The following ARL6IP6 variants were observed in gnomAD, a reference collection of about 807,000 sequenced individuals.
The protein encoded by ARL6IP6 is ADP-ribosylation factor-like protein 6-interacting protein 6.
ARL6IP6 carries 22 observed loss-of-function variants against 21.5 expected under a neutral mutation model. That is an observed-to-expected ratio of 1.02 (90% CI 0.73 to 1.46). The LOEUF (loss-of-function observed/expected upper bound fraction) is 1.46, where lower values mean the gene tolerates loss of function less well. Among genes scored for constraint, ARL6IP6 ranks in the 40% most tolerant of loss-of-function variants. The probability of loss-of-function intolerance (pLI) is 0.00; values close to 1 mark genes in which losing one functional copy is unlikely to be tolerated. For missense variants in ARL6IP6, 388 were observed against 299.8 expected (o/e 1.29, Z -2.17); for synonymous variants, 164 against 125.3 (o/e 1.31, Z -2.06).
chr2:152,757,656 G>A (rs1701650642), intron 3 of ARL6IP6, among the ~76,000 whole-genome samples: 4 of 152,160 alleles, frequency 2.6e-5, no homozygotes, highest in African/African-American at 2.4e-5. Flanking sequence ...GAAAATCATG[G>A]TGAATATTTT....
chr2:152,749,610 G>A lies in ARL6IP6; in HGVS notation c.588-10137G>A, dbSNP rs144577842. Reference sequence around the variant, plus strand: ...TATTCACAACAGCTTTGTAAGGGTAGATTCTATTTTTGTTTCCATTGTATG... The same window carrying A: ...TATTCACAACAGCTTTGTAAGGGTAAATTCTATTTTTGTTTCCATTGTATG... On this transcript the variant is annotated intron_variant, in intron 3 of 3. Coordinates refer to ENST00000326446, the MANE Select transcript of ARL6IP6 (RefSeq NM_152522.7). Among the ~76,000 whole-genome samples, 3 of 152,244 alleles carry A rather than the reference G, an allele frequency of 2.0e-5. No homozygotes were observed. The East Asian group carries it at 5.8e-4, about 29-fold the overall frequency.
intron 2 of ARL6IP6, among the ~76,000 whole-genome samples, chr2:152,727,889 G>T (rs1700117886): frequency 6.6e-6 from 1 of 152,126 alleles, no homozygotes; most frequent in South Asian, 2.1e-4. Context: ...GTGTATGATT[G>T]TATTGTATTT....
rs1701751960 is a variant in ARL6IP6 at position 152,759,828 on chromosome 2, G to T, written c.669G>T (p.Trp223Cys). 2 of 1,612,752 alleles carry T rather than the reference G, an allele frequency of 1.2e-6. No homozygotes were observed. The highest frequency in any genetic ancestry group is 1.1e-5 in the South Asian group (1 of 91,046). The change falls in exon 4 of 4, where the codon TGG (tryptophan) becomes TGT (cysteine). Residue 223 changes from tryptophan (W) to cysteine (C), a missense_variant. By Grantham distance (215) the Trp-to-Cys change is radical. Coordinates refer to ENST00000326446, the MANE Select transcript of ARL6IP6 (RefSeq NM_152522.7). The part of the protein sequence containing the change: ...NGIVAALTVA[W>C]CLM ...TCGTAGCTGCTCTTACTGTAGCATG[G>T]TGCCTCATGTAAACCCACACTGGAG...
At chr2:152,736,320 C>G (rs192297887) in intron 3 of ARL6IP6, among the ~76,000 whole-genome samples, 1 of 152,180 alleles carries the variant, frequency 6.6e-6, no homozygotes, top group East Asian at 1.9e-4. Context: ...GTATTTTTTC[C>G]TTTTATTTAT....
intron 3 of ARL6IP6, among the ~76,000 whole-genome samples, chr2:152,737,962 A>T (rs532531933): frequency 2.0e-5 from 3 of 152,186 alleles, no homozygotes; most frequent in African/African-American, 7.2e-5. Flanking sequence ...TGAGACAAGG[A>T]AAGTCCCTTC....
At chr2:152,742,657 G>A (rs1379124699) in intron 3 of ARL6IP6, among the ~76,000 whole-genome samples, 1 of 151,632 alleles carries the variant, frequency 6.6e-6, no homozygotes, top group East Asian at 1.9e-4. Flanking sequence ...TCTTGATTGG[G>A]AAAATGTTAG....
chr2:152,757,141 T>C (rs992753620), intron 3 of ARL6IP6, among the ~76,000 whole-genome samples: 3 of 152,170 alleles, frequency 2.0e-5, no homozygotes, highest in African/African-American at 7.2e-5. Context: ...AAAATATTTA[T>C]TGTATGATGC....
intron 3 of ARL6IP6, among the ~76,000 whole-genome samples, chr2:152,753,611 G>A (rs148482869): frequency 2.1e-3 from 313 of 150,514 alleles, no homozygotes; most frequent in African/African-American, 6.4e-3. Flanking sequence ...GAATTTATAG[G>A]TGTTTATTAA....
intron 3 of ARL6IP6, among the ~76,000 whole-genome samples, chr2:152,753,751 G>A (rs1436381838): frequency 6.7e-6 from 1 of 148,538 alleles, no homozygotes; most frequent in East Asian, 2.0e-4. Context: ...CCAAGCTGGA[G>A]TGCAGTGGCG....
At position 152,736,209 on chromosome 2, in the gene ARL6IP6, G is replaced by A. The variant is rs183731524; in HGVS notation, c.587+1083G>A. On this transcript the variant is annotated intron_variant, in intron 3 of 3. Transcript: ENST00000326446. Reference sequence around the variant, plus strand: ...AAGCCTAACATTACAATGCCATCCCGTAGTTTACATGGGTACCACTCAATT... The same window carrying A: ...AAGCCTAACATTACAATGCCATCCCATAGTTTACATGGGTACCACTCAATT... Among the ~76,000 whole-genome samples the A allele has an allele frequency of 1.3e-3, 204 of 152,128 alleles. 2 individuals carry two copies. Among genetic ancestry groups the A allele is most frequent in the Middle Eastern group, 0.01 (3 of 294 alleles).
intron 3 of ARL6IP6, among the ~76,000 whole-genome samples, chr2:152,752,192 ACC>A (rs1214380930): frequency 1.3e-5 from 2 of 152,084 alleles, no homozygotes; most frequent in Admixed American, 1.3e-4. Context: ...GTCTTTTCAA[ACC>A]CCTCTACCCT....
intron 3 of ARL6IP6, among the ~76,000 whole-genome samples, chr2:152,743,025 C>A (rs1700889680): frequency 6.6e-6 from 1 of 152,210 alleles, no homozygotes; most frequent in Non-Finnish European, 1.5e-5. Context: ...GAAACAGCAT[C>A]ATTTTATTGA....
chr2:152,729,743 A>C (rs1005726964), intron 2 of ARL6IP6, among the ~76,000 whole-genome samples: 1 of 152,174 alleles, frequency 6.6e-6, no homozygotes, highest in Non-Finnish European at 1.5e-5. Flanking sequence ...TTATATATGT[A>C]CCTGTATTAC....
chr2:152,753,195 T>C (rs1419718269), intron 3 of ARL6IP6, among the ~76,000 whole-genome samples: 1 of 152,212 alleles, frequency 6.6e-6, no homozygotes, highest in Non-Finnish European at 1.5e-5. Context: ...TTACTCCATG[T>C]AGATATGACA....
chr2:152,759,425 A>G (rs954754273), intron 3 of ARL6IP6, among the ~76,000 whole-genome samples: 8 of 152,224 alleles, frequency 5.3e-5, no homozygotes, highest in Non-Finnish European at 1.2e-4. Flanking sequence ...AACAAAACTT[A>G]TACCTTAGAA....
At chr2:152,731,234 C>CT (rs1333742687) in intron 2 of ARL6IP6, among the ~76,000 whole-genome samples, 3 of 152,182 alleles carry the variant, frequency 2.0e-5, no homozygotes, top group Non-Finnish European at 2.9e-5. Flanking sequence ...CCCATTAGCT[C>CT]TTTAACAGGT....
At chr2:152,734,846 C>T (rs1700481139) in intron 2 of ARL6IP6, 148 bp from the exon 3 acceptor site, 3 of 756,610 alleles carry the variant, frequency 4.0e-6, no homozygotes, top group Non-Finnish European at 6.0e-6. Flanking sequence ...CATAAGTTAG[C>T]TTGCAATAAG....
At chr2:152,758,370 C>T (rs1470673252) in intron 3 of ARL6IP6, among the ~76,000 whole-genome samples, 1 of 151,454 alleles carries the variant, frequency 6.6e-6, no homozygotes, top group East Asian at 1.9e-4. Flanking sequence ...TATGGAAGAC[C>T]GAACTGTATT....
chr2:152,758,442 CA>C (rs1408468217), intron 3 of ARL6IP6, among the ~76,000 whole-genome samples: 2 of 151,864 alleles, frequency 1.3e-5, no homozygotes, highest in African/African-American at 4.8e-5. Flanking sequence ...GCTGATTGTT[CA>C]ACTTTAGGTT....
Sources: allele counts gnomAD v4.1 joint callset (sites outside exome capture counted in the v4.1 genomes callset), GRCh38; gene constraint gnomAD v4.1.1; transcripts MANE v1.5; gene names NCBI Gene and HGNC (gene_info 2026-07-23, HGNC 2026-07-21).